KCNT2: variants seen among roughly 807,000 people sequenced by gnomAD.
The protein encoded by KCNT2 is potassium channel subfamily T member 2.
Under a neutral mutation model 153.8 loss-of-function variants are expected in KCNT2, and 67 were observed. That is an observed-to-expected ratio of 0.44 (90% CI 0.36 to 0.53). The LOEUF (loss-of-function observed/expected upper bound fraction) is 0.53. Ranked by LOEUF, KCNT2 falls within the 20% of genes least tolerant of loss-of-function variation. The probability of loss-of-function intolerance (pLI) is 0.00; values close to 1 mark genes in which losing one functional copy is unlikely to be tolerated. For missense variants in KCNT2, 975 were observed against 1,354.8 expected (o/e 0.72, Z 4.40); for synonymous variants, 500 against 458.8 (o/e 1.09, Z -1.15).
intron 22 of KCNT2, among the ~76,000 whole-genome samples, chr1:196,286,664 C>CACAT (rs57248129): frequency 2.0e-5 from 3 of 150,686 alleles, no homozygotes; most frequent in African/African-American, 7.4e-5. Context: ...CACACACACA[C>CACAT]GTTGTTTATG....
At chr1:196,234,548 G>A (rs146423599) in intron 27 of KCNT2, among the ~76,000 whole-genome samples, 79 of 150,784 alleles carry the variant, frequency 5.2e-4, no homozygotes, top group East Asian at 5.2e-3. Flanking sequence ...TTTTCCCTAC[G>A]TTCATATTCA....
At chr1:196,244,841 G>A (rs1655281700) in intron 26 of KCNT2, among the ~76,000 whole-genome samples, 2 of 152,068 alleles carry the variant, frequency 1.3e-5, no homozygotes, top group Non-Finnish European at 2.9e-5. Context: ...GAGCTCTAGG[G>A]CTTTCAGCTA....
At position 196,258,827 on chromosome 1, in the gene KCNT2, C is replaced by T. The variant is rs553298832; in HGVS notation, c.2911-333G>A. Among the ~76,000 whole-genome samples, 3 of 152,080 alleles carry T rather than the reference C, an allele frequency of 2.0e-5. No individual in the cohort carries two copies. In the South Asian group the frequency reaches 6.2e-4, roughly 32 times the overall value. On this transcript the variant is annotated intron_variant, in intron 25 of 27. Coordinates refer to ENST00000294725, the MANE Select transcript of KCNT2 (RefSeq NM_198503.5). ...ATACAGTTGTTTGAAACATACAAAA[C>T]CAGACATTTTACAACTTTATCCAAA...
chr1:196,296,719 T>G (rs1390292002), intron 22 of KCNT2, among the ~76,000 whole-genome samples: 1 of 152,106 alleles, frequency 6.6e-6, no homozygotes, highest in Non-Finnish European at 1.5e-5. Flanking sequence ...GGTACTCTGT[T>G]GGCTTTAATG....
intron 14 of KCNT2, among the ~76,000 whole-genome samples, chr1:196,370,909 C>T (rs966543507): frequency 1.3e-5 from 2 of 152,014 alleles, no homozygotes; most frequent in Admixed American, 6.6e-5. Context: ...TATGAATGAA[C>T]CTTGAAAAAC....
intron 13 of KCNT2, among the ~76,000 whole-genome samples, chr1:196,375,095 AT>A (rs1033195079): frequency 7.9e-5 from 12 of 151,848 alleles, no homozygotes; most frequent in Middle Eastern, 3.2e-3. Context: ...AGTAAAAAAA[AT>A]AATTAGGTCT....
chr1:196,570,010 T>C (rs746823868), intron 1 of KCNT2, among the ~76,000 whole-genome samples: 1 of 145,322 alleles, frequency 6.9e-6, no homozygotes, highest in Admixed American at 6.8e-5. Context: ...ACTTCTGCTA[T>C]GCTAAGAAGT....
intron 1 of KCNT2, among the ~76,000 whole-genome samples, chr1:196,599,806 A>C (rs1196928615): frequency 6.6e-6 from 1 of 152,168 alleles, no homozygotes; most frequent in African/African-American, 2.4e-5. Context: ...GAGAAATCTC[A>C]CTGTCCTTAG....
intron 12 of KCNT2, among the ~76,000 whole-genome samples, chr1:196,408,055 T>C (rs1229938322): frequency 2.0e-5 from 3 of 151,534 alleles, no homozygotes; most frequent in African/African-American, 7.3e-5. Context: ...GAATCTTCTC[T>C]GTGCCACTTG....
chr1:196,309,347 A>T (rs1330414682), intron 21 of KCNT2, among the ~76,000 whole-genome samples: 1 of 151,982 alleles, frequency 6.6e-6, no homozygotes, highest in Non-Finnish European at 1.5e-5. Context: ...TTCTTTTATA[A>T]CACATTTTAT....
At chr1:196,266,187 T>G (rs970047924) in intron 25 of KCNT2, among the ~76,000 whole-genome samples, 1 of 152,146 alleles carries the variant, frequency 6.6e-6, no homozygotes, top group African/African-American at 2.4e-5. Flanking sequence ...CTCTACAACA[T>G]AAGCTCCAAA....
At chr1:196,342,420 C>CTATATATATATATATA (rs71154738) in intron 14 of KCNT2, among the ~76,000 whole-genome samples, 192 bp from the exon 15 acceptor site, 2 of 132,756 alleles carry the variant, frequency 1.5e-5, no homozygotes, top group African/African-American at 6.0e-5. Flanking sequence ...ATTTTGAATA[C>CTATATATATATATATA]TATATATATA....
chr1:196,503,799 A>T (rs1305382870), intron 1 of KCNT2, among the ~76,000 whole-genome samples: 1 of 152,134 alleles, frequency 6.6e-6, no homozygotes, highest in Non-Finnish European at 1.5e-5. Context: ...AACACTTCCC[A>T]CCAAAAACAT....
At chr1:196,455,076 G>C (rs6684014) in intron 8 of KCNT2, among the ~76,000 whole-genome samples, 8,341 of 151,986 alleles carry the variant, frequency 0.055, 794 homozygotes, top group African/African-American at 0.19. Context: ...CTTCAAAGCT[G>C]GAAATGGCTG....
intron 12 of KCNT2, among the ~76,000 whole-genome samples, chr1:196,401,075 G>A (rs1244631667): frequency 2.6e-5 from 4 of 151,776 alleles, no homozygotes; most frequent in African/African-American, 4.8e-5. Context: ...GTGAATGAGT[G>A]TAAACATCTT....
intron 1 of KCNT2, among the ~76,000 whole-genome samples, chr1:196,566,007 A>G (rs555594196): frequency 6.6e-6 from 1 of 152,122 alleles, no homozygotes; most frequent in Non-Finnish European, 1.5e-5. Flanking sequence ...AGATGAGATT[A>G]TATATGCTAA....
chr1:196,390,887 A>ATTTTT (rs1243956099), intron 13 of KCNT2, among the ~76,000 whole-genome samples: 4 of 111,746 alleles, frequency 3.6e-5, no homozygotes, highest in Non-Finnish European at 1.8e-5. Context: ...GATCTCATTC[A>ATTTTT]TTCTTTTTTT....
chr1:196,593,625 G>A (rs891576935), intron 1 of KCNT2, among the ~76,000 whole-genome samples: 11 of 151,736 alleles, frequency 7.2e-5, no homozygotes, highest in Admixed American at 2.6e-4. Flanking sequence ...ATTATTACAC[G>A]TTGCATGCCT....
chr1:196,259,212 G>A (rs1235416693), intron 25 of KCNT2, among the ~76,000 whole-genome samples: 1 of 152,002 alleles, frequency 6.6e-6, no homozygotes, highest in Non-Finnish European at 1.5e-5. Flanking sequence ...ACTTAAAACA[G>A]GCTGTTCTCC....
Sources: gnomAD v4.1 joint callset for allele counts (sites outside exome capture counted in the v4.1 genomes callset) on GRCh38, gnomAD v4.1.1 for gene constraint, MANE v1.5 for transcripts, NCBI Gene and HGNC (gene_info 2026-07-23, HGNC 2026-07-21) for gene names.